CMA1: variants seen among roughly 807,000 people sequenced by gnomAD.
CMA1 encodes the protein chymase.
A neutral mutation model predicts 18.8 loss-of-function variants in CMA1; 24 were observed. That is an observed-to-expected ratio of 1.28 (90% CI 0.92 to 1.80). CMA1 has a LOEUF of 1.80. CMA1 is among the 40% of genes most tolerant of loss of function. CMA1 has a pLI of 0.00. For missense variants in CMA1, 421 were observed against 302.8 expected (o/e 1.39, Z -2.90); for synonymous variants, 152 against 117.0 (o/e 1.30, Z -1.93).
At chr14:24,507,839 C>G (rs144278030) in intron 1 of CMA1, among the ~76,000 whole-genome samples, 1 of 152,340 alleles carries the variant, frequency 6.6e-6, no homozygotes. Flanking sequence ...AGCATGGTCA[C>G]AGAGTGAGAA....
chr14:24,507,470 G>A lies in CMA1; in HGVS notation c.95C>T (p.Ser32Phe), dbSNP rs2043867955. ...TTCCAGGTAGGCCATGTAGGGGCGG[G>A]AATGTGGCTTGCATTCTGTGCCCCC... is the stretch of plus-strand genomic sequence containing the variant. ...IIGGTECKPH[S>F]RPYMAYLEIV... Residue 32 changes from serine (S) to phenylalanine (F), a missense_variant, in exon 2 of 5, where the codon TCC becomes TTC. Ser to Phe is a radical substitution (Grantham distance 155). Transcript: ENST00000250378. 1 of 1,614,054 alleles carries A rather than the reference G, an allele frequency of 6.2e-7. No individual in the cohort carries two copies. Among genetic ancestry groups the A allele is most frequent in the African/African-American group, 1.3e-5 (1 of 74,932 alleles).
Position 24,506,575 on chromosome 14 carries a change from T to C in CMA1, c.239A>G (p.Asn80Ser), listed in dbSNP as rs1391371001. The C allele has an allele frequency of 3.1e-6, 5 of 1,614,134 alleles. No individual in the cohort carries two copies. In the East Asian group the frequency reaches 6.7e-5, roughly 22 times the overall value. The change falls in exon 3 of 5, where the codon AAC becomes AGC. Residue 80 changes from asparagine to serine, a missense_variant. By Grantham distance (46) the Asn-to-Ser change is conservative. Transcript: ENST00000250378. Reference protein sequence around the residue: ...RSITVTLGAHNITEEEDTWQK... With the variant: ...RSITVTLGAHSITEEEDTWQK... Reference sequence around the variant, plus strand: ...CCATGTGTCTTCTTCCTCTGTTATGTTATGGGCTCCAAGGGTGACTGTTAT... The same window carrying C: ...CCATGTGTCTTCTTCCTCTGTTATGCTATGGGCTCCAAGGGTGACTGTTAT...
Position 24,508,158 on chromosome 14 carries a change from G to C in CMA1, c.58+20C>G, listed in dbSNP as rs754157526. 1.2e-6 allele frequency: 2 copies of C among 1,611,718 alleles called. No individual in the cohort carries two copies. The highest frequency in any genetic ancestry group is 4.5e-5 in the East Asian group (2 of 44,838). On this transcript the variant is annotated intron_variant, in intron 1 of 4. Transcript: ENST00000250378. The stretch of plus-strand genomic sequence containing the variant: ...GGAGCTGATACTGCAGATTTCAGAG[G>C]GAAGAACCCTGATACTCACCAGCTT...
chr14:24,508,093 T>G, intron 1 of CMA1, 85 bp downstream of exon 1: 2 of 1,311,154 alleles, frequency 1.5e-6, no homozygotes, highest in Non-Finnish European at 1.1e-6. Context: ...GGAACCCTGT[T>G]TAGGAGTCAG....
In CMA1 at chr14:24,506,544, C is replaced by A; in HGVS notation, c.270G>T (p.Lys90Asn). 4 of 1,613,990 alleles carry A rather than the reference C, an allele frequency of 2.5e-6. No individual in the cohort carries two copies. The highest frequency in any genetic ancestry group is 3.3e-4 in the Middle Eastern group (2 of 6,058). Reference sequence around the variant, plus strand: ...GACGGAATTGCTTTATAACCTCAAGCTTCTGCCATGTGTCTTCTTCCTCTG... The same window carrying A: ...GACGGAATTGCTTTATAACCTCAAGATTCTGCCATGTGTCTTCTTCCTCTG... ...NITEEEDTWQKLEVIKQFRHP... is the reference protein window; with the variant it reads ...NITEEEDTWQNLEVIKQFRHP... The change falls in exon 3 of 5, where the codon AAG becomes AAT. Residue 90 changes from lysine to asparagine, a missense_variant. Coordinates refer to ENST00000250378, the MANE Select transcript of CMA1 (RefSeq NM_001836.5).
chr14:24,506,481 G>C lies in CMA1; in HGVS notation c.333C>G (p.Ile111Met), dbSNP rs767600454. ...GAGGTGTTGTCACCTTTAGTAACATGATATCGTGGTGAAGAGTAGAAGTGT... is the reference window on the plus strand; with the variant it reads ...GAGGTGTTGTCACCTTTAGTAACATCATATCGTGGTGAAGAGTAGAAGTGT... ...KYNTSTLHHD[I>M]MLLKLKEKAS... The change falls in exon 3 of 5, where the codon ATC becomes ATG. Residue 111 changes from isoleucine to methionine, a missense_variant. Coordinates refer to ENST00000250378, the MANE Select transcript of CMA1 (RefSeq NM_001836.5). 1.9e-6 allele frequency: 3 copies of C among 1,614,056 alleles called. No individual in the cohort carries two copies. In the South Asian group the frequency reaches 3.3e-5, roughly 18 times the overall value.
chr14:24,507,449 A>G lies in CMA1; in HGVS notation c.116T>C (p.Leu39Pro). Residue 39 changes from leucine (L) to proline (P), a missense_variant, in exon 2 of 5, where the codon CTG becomes CCG. Leu to Pro is a moderately conservative substitution (Grantham distance 98). Transcript: ENST00000250378. The part of the protein sequence containing the change: ...KPHSRPYMAY[L>P]EIVTSNGPSK... ...GGGACCGTTGGAAGTTACAATTTCC[A>G]GGTAGGCCATGTAGGGGCGGGAATG... is the stretch of plus-strand genomic sequence containing the variant. 1 of 1,614,218 alleles carries G rather than the reference A, an allele frequency of 6.2e-7. No homozygotes were observed. The highest frequency in any genetic ancestry group is 8.5e-7 in the Non-Finnish European group (1 of 1,180,032).
At chr14:24,507,294 T>C (rs2138399035) in intron 2 of CMA1, 62 bp downstream of exon 2, 3 of 1,598,546 alleles carry the variant, frequency 1.9e-6, no homozygotes, top group Non-Finnish European at 2.6e-6. Flanking sequence ...GCAGGTGTAT[T>C]CCTGGATGCT....
chr14:24,507,563 G>A, intron 1 of CMA1, 57 bp from the exon 2 acceptor site: 1 of 1,558,320 alleles, frequency 6.4e-7, no homozygotes, highest in East Asian at 2.3e-5. Context: ...TCCAATGAAT[G>A]GACAAATTGG....
intron 4 of CMA1, 103 bp downstream of exon 4, chr14:24,505,925 T>A: frequency 6.8e-7 from 1 of 1,460,828 alleles, no homozygotes; most frequent in Non-Finnish European, 9.3e-7. Flanking sequence ...CCTGTGATGC[T>A]CACCCTGTCA....
chr14:24,505,682 AG>A (rs1303847882), intron 4 of CMA1, 23 bp from the exon 5 acceptor site: 4 of 1,583,406 alleles, frequency 2.5e-6, no homozygotes, highest in African/African-American at 1.4e-5. Context: ...GAGAGAGAGA[AG>A]AAGGTGAGCC....
In CMA1 at chr14:24,508,013, T is replaced by TGG. The variant is rs1280645274; in HGVS notation, c.58+163_58+164dup. 5 of 415,856 alleles carry TGG rather than the reference T, an allele frequency of 1.2e-5. No homozygotes were observed. In the African/African-American group the frequency reaches 3.4e-4, roughly 29 times the overall value. The allele number at this position is 415,856 out of a possible 1,614,324, so 25.8% of individuals were successfully genotyped here. On this transcript the variant is annotated intron_variant, in intron 1 of 4. Coordinates refer to ENST00000250378, the MANE Select transcript of CMA1 (RefSeq NM_001836.5). ...CTAGGCTGTAGAGAATGGCAGTGGG[T>TGG]GGGGGTGGGGGTGGGGTGGCACACA...
intron 1 of CMA1, 175 bp downstream of exon 1, chr14:24,508,003 T>C (rs1404572208): frequency 2.1e-6 from 1 of 472,938 alleles, no homozygotes; most frequent in Admixed American, 4.0e-5. Context: ...CTGTAGAGAA[T>C]GGCAGTGGGT....
At chr14:24,506,737 T>C in intron 2 of CMA1, 133 bp from the exon 3 acceptor site, 1 of 1,084,698 alleles carries the variant, frequency 9.2e-7, no homozygotes, top group African/African-American at 1.6e-5. Context: ...TCCCTTTTCA[T>C]GGGCCACTTG....
Position 24,506,325 on chromosome 14 carries a change from TG to T in CMA1, c.346-44del, listed in dbSNP as rs368719297. ...GACTGTCAGTCCTCGAAATGGGCTC[TG>T]GACAGTTGGAGGTGATCAGGGAGGG... On this transcript the variant is annotated intron_variant, in intron 3 of 4. Coordinates refer to ENST00000250378, the MANE Select transcript of CMA1 (RefSeq NM_001836.5). 1.6e-5 allele frequency: 26 copies of T among 1,603,556 alleles called. No homozygotes were observed. In the Middle Eastern group the frequency reaches 5.1e-4, roughly 31 times the overall value.
rs373394059 is a variant in CMA1 at position 24,505,474 on chromosome 14, T to C, written c.*42A>G. ...AGTGGCACACACTTTGCTGCTCAGG[T>C]CCAGTTCCAGCTTCCCTTTCAGGCT... On this transcript the variant is annotated 3_prime_UTR_variant, in exon 5 of 5. Coordinates refer to ENST00000250378, the MANE Select transcript of CMA1 (RefSeq NM_001836.5). The C allele has an allele frequency of 2.9e-5, 47 of 1,613,390 alleles. No homozygotes were observed. Among genetic ancestry groups the C allele is most frequent in the Non-Finnish European group, 4.0e-5 (47 of 1,179,854 alleles).
chr14:24,506,142 C>A lies in CMA1; in HGVS notation c.486G>T (p.Leu162=), dbSNP rs756609116. The change falls in exon 4 of 5, where the codon CTG becomes CTT. Residue 162 remains leucine, a synonymous_variant. Transcript: ENST00000250378. ...CCATGAGTCTCAGCTTCACCTCTTG[C>A]AGAGTGTCTGAGCCCGGCTTCAACA... ...TGVLKPGSDT[L]QEVKLRLMDP... 1.2e-6 allele frequency: 2 copies of A among 1,614,198 alleles called. No homozygotes were observed. The highest frequency in any genetic ancestry group is 3.3e-5 in the Admixed American group (2 of 60,020).
chr14:24,506,361 G>A, intron 3 of CMA1, 79 bp from the exon 4 acceptor site: 4 of 1,590,150 alleles, frequency 2.5e-6, no homozygotes, highest in African/African-American at 1.3e-5. Flanking sequence ...GACAGGGTGA[G>A]TAGCTTCATG....
chr14:24,508,088 C>A (rs549520488), intron 1 of CMA1, 90 bp downstream of exon 1: 7 of 1,252,648 alleles, frequency 5.6e-6, no homozygotes, highest in South Asian at 1.3e-5. Context: ...ATCTTGGAAC[C>A]CTGTTTAGGA....
Sources: allele counts gnomAD v4.1 joint callset (sites outside exome capture counted in the v4.1 genomes callset), GRCh38; gene constraint gnomAD v4.1.1; transcripts MANE v1.5; gene names NCBI Gene and HGNC (gene_info 2026-07-23, HGNC 2026-07-21).